ACVR2B: variants seen among roughly 807,000 people sequenced by gnomAD.
ACVR2B encodes activin receptor type-2B.
ACVR2B carries 18 observed loss-of-function variants against 65.1 expected under a neutral mutation model. The observed-to-expected ratio is 0.28, with a 90% CI of 0.19 to 0.41. The LOEUF (loss-of-function observed/expected upper bound fraction) is 0.41. Among genes scored for constraint, ACVR2B ranks in the 10% least tolerant of loss-of-function variants. The pLI is 1.00. For synonymous variants in ACVR2B, 298 were observed against 277.7 expected, an observed-to-expected ratio of 1.07 and a Z score of -0.73; for missense variants, 482 against 682.7, an observed-to-expected ratio of 0.71 and a Z score of 3.28.
Position 38,483,523 on chromosome 3 carries a change from C to T in ACVR2B, c.*191C>T, listed in dbSNP as rs1017843087. 1 of 225,380 alleles carries T rather than the reference C, an allele frequency of 4.4e-6. No individual in the cohort carries two copies. Among genetic ancestry groups the T allele is most frequent in the African/African-American group, 2.3e-5 (1 of 42,642 alleles). The allele number at this position is 225,380 out of a possible 1,614,324, so 14.0% of individuals were successfully genotyped here. ...ATTAATATTATTTTTTGGATTGGATCAGTTTTTACCAGCATATTGCTCTAC... is the reference window on the plus strand; with the variant it reads ...ATTAATATTATTTTTTGGATTGGATTAGTTTTTACCAGCATATTGCTCTAC... On this transcript the variant is annotated 3_prime_UTR_variant, in exon 11 of 11. Transcript: ENST00000352511. This position sits in a 1 kb window ranked among gnomAD's most constrained non-coding sequence, Gnocchi z 4.8.
rs1306496032 is a variant in ACVR2B, at chr3:38,479,809, G to A, written c.942G>A (p.Lys314=). The change falls in exon 7 of 11, where the codon AAG becomes AAA. Residue 314 remains lysine, a synonymous_variant. Coordinates refer to ENST00000352511, the MANE Select transcript of ACVR2B (RefSeq NM_001106.4). The part of the protein sequence containing the change: ...DVPWCRGEGH[K]PSIAHRDFKS... The stretch of plus-strand genomic sequence containing the variant: ...CCTGGTGCCGTGGCGAGGGCCACAA[G>A]CCGTCTATTGCCCACAGGTACCTGG... The A allele has an allele frequency of 6.2e-7, 1 of 1,614,162 alleles. No homozygotes were observed. The highest frequency in any genetic ancestry group is 1.3e-5 in the African/African-American group (1 of 75,070).
At chr3:38,479,931 T>G in intron 7 of ACVR2B, 105 bp downstream of exon 7, 2 of 1,429,170 alleles carry the variant, frequency 1.4e-6, no homozygotes, top group Non-Finnish European at 1.9e-6. Context: ...TAAACATACT[T>G]ACCCTGCTTG....
chr3:38,484,007 A>G lies in ACVR2B; in HGVS notation c.*675A>G, dbSNP rs1710070165. ...TGGGGGTAGGGTTTGGAACAGAGCT[A>G]CACTGGACTCGGGCACATTCGGAGC... On this transcript the variant is annotated 3_prime_UTR_variant, in exon 11 of 11. Transcript: ENST00000352511. The G allele has an allele frequency of 6.5e-6, 1 of 152,780 alleles. No individual in the cohort carries two copies. 9.5% of individuals were successfully genotyped at this position (152,780 alleles called of 1,614,324 possible). A position where few individuals can be genotyped will look rare whatever the true frequency, so the allele number is the denominator to read the frequency against.
At chr3:38,457,048 A>G (rs1709561965) in intron 1 of ACVR2B, among the ~76,000 whole-genome samples, 1 of 152,172 alleles carries the variant, frequency 6.6e-6, no homozygotes, top group Non-Finnish European at 1.5e-5. Flanking sequence ...TACTAAAAAT[A>G]CAAAAATTAG....
chr3:38,474,523 G>A (rs1709873829), intron 1 of ACVR2B: 1 of 152,272 alleles, frequency 6.6e-6, no homozygotes, highest in Non-Finnish European at 1.5e-5. Context: ...TGTTTGGAAT[G>A]ATTCTGCCAC....
Position 38,477,533 on chromosome 3 carries a change from C to G in ACVR2B, c.260+39C>G. The G allele has an allele frequency of 6.2e-7, 1 of 1,600,088 alleles. No individual in the cohort carries two copies. The highest frequency in any genetic ancestry group is 1.1e-5 in the South Asian group (1 of 89,144). ...TGCCCTCCTTTCCTCTTGGACCCAC[C>G]TGCGCTTATACTGCCCACTGGGCCA... On this transcript the variant is annotated intron_variant, in intron 2 of 10. Coordinates refer to ENST00000352511, the MANE Select transcript of ACVR2B (RefSeq NM_001106.4). This position sits in a 1 kb window ranked among gnomAD's most constrained non-coding sequence, Gnocchi z 6.7.
chr3:38,483,262 C>T lies in ACVR2B; in HGVS notation c.1469C>T (p.Ser490Leu), dbSNP rs377483334. 5.9e-5 allele frequency: 95 copies of T among 1,613,932 alleles called. No homozygotes were observed. Among genetic ancestry groups the T allele is most frequent in the Admixed American group, 2.3e-4 (14 of 60,000 alleles). Residue 490 changes from serine to leucine, a missense_variant, in exon 11 of 11, where the codon TCG becomes TTG. Transcript: ENST00000352511. The surrounding 1 kb of genome is among the most constrained non-coding windows in gnomAD (Gnocchi z 4.8). Reference protein sequence around the residue: ...LIRRSVNGTTSDCLVSLVTSV... With the variant: ...LIRRSVNGTTLDCLVSLVTSV... Reference sequence around the variant, plus strand: ...CGGAGGTCGGTCAACGGCACTACCTCGGACTGTCTCGTTTCCCTGGTGACC... The same window carrying T: ...CGGAGGTCGGTCAACGGCACTACCTTGGACTGTCTCGTTTCCCTGGTGACC...
Position 38,477,445 on chromosome 3 carries a change from G to T in ACVR2B, c.211G>T (p.Glu71Ter). ...CTGGCGCAACAGCTCTGGCACCATC[G>T]AGCTCGTGAAGAAGGGCTGCTGGCT... ...ASWRNSSGTI[E>*]LVKKGCWLDD... The change falls in exon 2 of 11, where the codon GAG becomes TAG. Residue 71 changes from glutamate (E) to a stop codon, truncating the protein, a stop_gained. Coordinates refer to ENST00000352511, the MANE Select transcript of ACVR2B (RefSeq NM_001106.4). LOFTEE classifies it high-confidence loss of function. This position sits in a 1 kb window ranked among gnomAD's most constrained non-coding sequence, Gnocchi z 6.7. The T allele has an allele frequency of 6.2e-7, 1 of 1,614,146 alleles. No individual in the cohort carries two copies. The highest frequency in any genetic ancestry group is 8.5e-7 in the Non-Finnish European group (1 of 1,180,004).
Position 38,485,469 on chromosome 3 carries a change from T to G in ACVR2B, c.*2137T>G, listed in dbSNP as rs550059119. ...TCCACAGTGTGAGGGGCACTGCACA[T>G]GCCTGGGCATCTACCTAGTGTGCTA... On this transcript the variant is annotated 3_prime_UTR_variant, in exon 11 of 11. Transcript: ENST00000352511. 7.2e-5 allele frequency: 11 copies of G among 152,316 alleles called. No homozygotes were observed. The highest frequency in any genetic ancestry group is 2.6e-4 in the African/African-American group (11 of 41,552). The allele number at this position is 152,316 out of a possible 1,614,324, so 9.4% of individuals were successfully genotyped here.
chr3:38,467,157 A>G (rs1365068841), intron 1 of ACVR2B, among the ~76,000 whole-genome samples: 1 of 152,218 alleles, frequency 6.6e-6, no homozygotes, highest in Non-Finnish European at 1.5e-5. Flanking sequence ...GCTAAAAAAG[A>G]GACAAATGGG....
chr3:38,482,363 C>T, intron 9 of ACVR2B, 27 bp downstream of exon 9: 1 of 1,608,908 alleles, frequency 6.2e-7, no homozygotes, highest in South Asian at 1.1e-5. Flanking sequence ...CCCTGGGCAT[C>T]CTAGATTGAG....
rs537302598 is a variant in ACVR2B at position 38,485,187 on chromosome 3, T to G, written c.*1855T>G. 9.8e-5 allele frequency: 15 copies of G among 152,362 alleles called. No individual in the cohort carries two copies. Among genetic ancestry groups the G allele is most frequent in the African/African-American group, 3.4e-4 (14 of 41,586 alleles). The allele number at this position is 152,362 out of a possible 1,614,324, so 9.4% of individuals were successfully genotyped here. ...CGCCTCCTCTTGGGTTGTTTGGAGC[T>G]TCACATGTAATTCACATGTAACATG... On this transcript the variant is annotated 3_prime_UTR_variant, in exon 11 of 11. Transcript: ENST00000352511.
At chr3:38,470,572 G>A (rs1709801994) in intron 1 of ACVR2B, among the ~76,000 whole-genome samples, 1 of 152,180 alleles carries the variant, frequency 6.6e-6, no homozygotes, top group Non-Finnish European at 1.5e-5. Context: ...ATCTCAGAAA[G>A]AAAGGCAGAG....
In ACVR2B at chr3:38,484,566, T is replaced by A. The variant is rs1374157616; in HGVS notation, c.*1234T>A. ...GTGGTACATATTCTAAAAAACTGTT[T>A]TTCTATTATGCCATAACCTTGCTCT... On this transcript the variant is annotated 3_prime_UTR_variant, in exon 11 of 11. Transcript: ENST00000352511. 6.6e-6 allele frequency: 1 copy of A among 152,510 alleles called. No homozygotes were observed. Among genetic ancestry groups the A allele is most frequent in the Non-Finnish European group, 1.5e-5 (1 of 68,040 alleles). The allele number at this position is 152,510 out of a possible 1,614,324, so 9.4% of individuals were successfully genotyped here. A position where few individuals can be genotyped will look rare whatever the true frequency, so the allele number is the denominator to read the frequency against.
At chr3:38,460,014 A>G (rs936847062) in intron 1 of ACVR2B, among the ~76,000 whole-genome samples, 1 of 152,144 alleles carries the variant, frequency 6.6e-6, no homozygotes, top group Non-Finnish European at 1.5e-5. Flanking sequence ...CTGGGAAGTG[A>G]TTACAAACTG....
intron 1 of ACVR2B, chr3:38,459,651 C>T (rs1709608270): frequency 3.0e-6 from 3 of 985,240 alleles, no homozygotes; most frequent in African/African-American, 3.5e-5. Context: ...AGCCCCCAGG[C>T]CGGGGACACC....
intron 1 of ACVR2B, among the ~76,000 whole-genome samples, chr3:38,466,396 G>C (rs990078380): frequency 6.6e-6 from 1 of 152,162 alleles, no homozygotes; most frequent in Non-Finnish European, 1.5e-5. Flanking sequence ...AATGGTAATG[G>C]ATTTGTTAAT....
chr3:38,477,353 G>A lies in ACVR2B; in HGVS notation c.119G>A (p.Arg40His), dbSNP rs121434437. Residue 40 changes from arginine (R) to histidine (H), a missense_variant, in exon 2 of 11, where the codon CGC becomes CAC. Physicochemically the swap from Arg to His is conservative, Grantham distance 29. Coordinates refer to ENST00000352511, the MANE Select transcript of ACVR2B (RefSeq NM_001106.4). The surrounding 1 kb of genome is among the most constrained non-coding windows in gnomAD (Gnocchi z 6.7). ...TACAACGCCAACTGGGAGCTGGAGCGCACCAACCAGAGCGGCCTGGAGCGC... is the reference window on the plus strand; with the variant it reads ...TACAACGCCAACTGGGAGCTGGAGCACACCAACCAGAGCGGCCTGGAGCGC... ...IYYNANWELERTNQSGLERCE... is the reference protein window; with the variant it reads ...IYYNANWELEHTNQSGLERCE... 8.5e-4 allele frequency: 1,366 copies of A among 1,614,162 alleles called. 13 individuals are homozygous for A. The African/African-American group carries it at 0.013, about 15-fold the overall frequency.
chr3:38,476,656 AG>A (rs1213956644), intron 1 of ACVR2B: 2 of 158,702 alleles, frequency 1.3e-5, no homozygotes, highest in African/African-American at 4.8e-5. Context: ...GGGCAGAGAC[AG>A]GAGCAGCAGG....
Sources: gnomAD v4.1 joint callset for allele counts (sites outside exome capture counted in the v4.1 genomes callset) on GRCh38, gnomAD v4.1.1 for gene constraint, Gnocchi (gnomAD v3.1) non-coding constraint, MANE v1.5 for transcripts, NCBI Gene and HGNC (gene_info 2026-07-23, HGNC 2026-07-21) for gene names.